The following TLL1 variants were observed in gnomAD, a reference collection of about 807,000 sequenced individuals.
TLL1 encodes the protein tolloid like 1.
TLL1 carries 49 observed loss-of-function variants against 128.2 expected under a neutral mutation model. The ratio of observed to expected loss-of-function variants is 0.38; its 90% confidence interval spans 0.30 to 0.48. The LOEUF is 0.48. Ranked by LOEUF, TLL1 falls within the 20% of genes least tolerant of loss-of-function variation. The pLI is 0.96. For missense variants in TLL1, 1,123 were observed against 1,242.0 expected, an observed-to-expected ratio of 0.90 and a Z score of 1.44; for synonymous variants, 454 against 418.8, an observed-to-expected ratio of 1.08 and a Z score of -1.03.
intron 15 of TLL1, among the ~76,000 whole-genome samples, chr4:166,062,697 G>A (rs878895127): frequency 2.0e-5 from 3 of 152,044 alleles, no homozygotes; most frequent in African/African-American, 2.4e-5. Flanking sequence ...TTTCCTAATT[G>A]AATACCCTTT....
At chr4:166,030,862 A>G in intron 9 of TLL1, 1 of 993,698 alleles carries the variant, frequency 1.0e-6, no homozygotes, top group Middle Eastern at 5.1e-4. Flanking sequence ...TTCTGTTTGA[A>G]AATGTGGATT....
At position 165,989,391 on chromosome 4, in the gene TLL1, G is replaced by T. The variant is rs1736530831; in HGVS notation, c.180G>T (p.Trp60Cys). 6.2e-7 allele frequency: 1 copy of T among 1,611,030 alleles called. No individual in the cohort carries two copies. The highest frequency in any genetic ancestry group is 8.5e-7 in the Non-Finnish European group (1 of 1,178,358). Residue 60 changes from tryptophan to cysteine, a missense_variant, in exon 2 of 21, where the codon TGG (tryptophan) becomes TGT (cysteine). Trp to Cys is a radical substitution (Grantham distance 215). This residue lies in a region of TLL1 where 480 missense variants were observed against 542.4 expected (regional missense o/e 0.89). Coordinates refer to ENST00000061240, the MANE Select transcript of TLL1 (RefSeq NM_012464.5). ...YKDPCKAAVF[W>C]GDIALDDEDL... is the part of the protein sequence containing the mutation. ...CTTTTCTTTTTTTAGCTGTATTTTG[G>T]GGCGATATTGCCTTAGATGATGAAG...
At chr4:165,924,414 G>C (rs147067810) in intron 1 of TLL1, among the ~76,000 whole-genome samples, 1 of 152,306 alleles carries the variant, frequency 6.6e-6, no homozygotes, top group African/African-American at 2.4e-5. Flanking sequence ...GGTCTGGATA[G>C]ATCAGTCAAC....
chr4:165,905,552 G>C (rs1475147295), intron 1 of TLL1, among the ~76,000 whole-genome samples: 1 of 151,976 alleles, frequency 6.6e-6, no homozygotes, highest in Non-Finnish European at 1.5e-5. Context: ...ATTTTCTGTT[G>C]ACTCCTGTTT....
At position 166,103,241 on chromosome 4, in the gene TLL1, A is replaced by G. The variant is rs1004997341; in HGVS notation, c.*2365A>G. 3 of 151,868 alleles carry G rather than the reference A, an allele frequency of 2.0e-5. No homozygotes were observed. The highest frequency in any genetic ancestry group is 1.3e-4 in the Admixed American group (2 of 15,174). The allele number at this position is 151,868 out of a possible 1,614,324, so 9.4% of individuals were successfully genotyped here. A position where few individuals can be genotyped will look rare whatever the true frequency, so the allele number is the denominator to read the frequency against. On this transcript the variant is annotated 3_prime_UTR_variant, in exon 21 of 21. Transcript: ENST00000061240. Reference sequence around the variant, plus strand: ...ATTTTTTATGGTGAAACTTTCCCACATAAAGTAAATTTTAGGGGTGAATTA... The same window carrying G: ...ATTTTTTATGGTGAAACTTTCCCACGTAAAGTAAATTTTAGGGGTGAATTA...
intron 12 of TLL1, among the ~76,000 whole-genome samples, chr4:166,052,946 C>T (rs1739814038): frequency 1.6e-5 from 1 of 64,030 alleles, no homozygotes; most frequent in South Asian, 4.6e-4. Context: ...AAATTAAAGA[C>T]TGAGATAAGA....
chr4:165,885,599 CA>C (rs370552974), intron 1 of TLL1, among the ~76,000 whole-genome samples: 7 of 149,478 alleles, frequency 4.7e-5, no homozygotes, highest in African/African-American at 1.7e-4. Context: ...AACAAACAAA[CA>C]AAAAAAAAAC....
At chr4:165,884,393 G>T (rs1178707144) in intron 1 of TLL1, among the ~76,000 whole-genome samples, 2 of 152,206 alleles carry the variant, frequency 1.3e-5, no homozygotes, top group East Asian at 3.9e-4. Flanking sequence ...TGCTTTGTGG[G>T]GAGCACTGCA....
chr4:166,060,243 CA>C (rs1740241809), intron 15 of TLL1, 55 bp downstream of exon 15: 36 of 1,528,366 alleles, frequency 2.4e-5, no homozygotes, highest in Non-Finnish European at 3.1e-5. Context: ...TCCCTGAAGG[CA>C]AACTGTGAAA....
intron 1 of TLL1, among the ~76,000 whole-genome samples, chr4:165,885,825 A>G (rs922929271): frequency 1.3e-5 from 2 of 152,140 alleles, no homozygotes; most frequent in African/African-American, 4.8e-5. Flanking sequence ...TAGGCAACAA[A>G]ACTACAGGAA....
At chr4:166,070,910 C>T (rs1740784845) in intron 16 of TLL1, among the ~76,000 whole-genome samples, 1 of 151,916 alleles carries the variant, frequency 6.6e-6, no homozygotes, top group Non-Finnish European at 1.5e-5. Context: ...CTACAACTTT[C>T]TTGTATGATT....
At chr4:166,054,841 CAT>C (rs1411308580) in intron 12 of TLL1, among the ~76,000 whole-genome samples, 1 of 151,954 alleles carries the variant, frequency 6.6e-6, no homozygotes, top group African/African-American at 2.4e-5. Context: ...GATCCTGACT[CAT>C]GTGGATGTAC....
intron 1 of TLL1, among the ~76,000 whole-genome samples, chr4:165,964,259 TA>T (rs1735262363): frequency 6.6e-6 from 1 of 152,154 alleles, no homozygotes; most frequent in South Asian, 2.1e-4. Context: ...CAGGGGAAAA[TA>T]ACTGAATGAT....
intron 1 of TLL1, chr4:165,919,924 G>T: frequency 6.7e-6 from 3 of 444,760 alleles, no homozygotes; most frequent in Non-Finnish European, 1.3e-5. Context: ...TCTCATGAGG[G>T]GAGGTCAGAG....
intron 19 of TLL1, 80 bp downstream of exon 19, chr4:166,091,421 A>G (rs1741777445): frequency 2.4e-6 from 3 of 1,239,252 alleles, no homozygotes; most frequent in Admixed American, 2.0e-5. Context: ...CAATAATAGG[A>G]TTGTAAATAA....
chr4:165,930,915 T>A (rs888656553), intron 1 of TLL1, among the ~76,000 whole-genome samples: 3 of 152,220 alleles, frequency 2.0e-5, no homozygotes, highest in Admixed American at 1.3e-4. Context: ...TTGAATAGTA[T>A]GTTATTGGTT....
At chr4:165,895,227 AGT>A (rs1414177557) in intron 1 of TLL1, among the ~76,000 whole-genome samples, 1 of 152,150 alleles carries the variant, frequency 6.6e-6, no homozygotes, top group African/African-American at 2.4e-5. Context: ...GTTTGCAGTC[AGT>A]GTGACTGTCT....
intron 1 of TLL1, among the ~76,000 whole-genome samples, chr4:165,912,649 G>A (rs1338472470): frequency 6.6e-6 from 1 of 151,746 alleles, no homozygotes; most frequent in Non-Finnish European, 1.5e-5. Context: ...GAAGCAGGTT[G>A]CCAAGTCGAT....
At chr4:166,090,318 C>T (rs561537212) in intron 18 of TLL1, among the ~76,000 whole-genome samples, 22 of 152,118 alleles carry the variant, frequency 1.4e-4, no homozygotes, top group Middle Eastern at 3.4e-3. Flanking sequence ...TTATTAATAG[C>T]TTGGACAATA....
Sources: allele counts gnomAD v4.1 joint callset (sites outside exome capture counted in the v4.1 genomes callset), GRCh38; gene constraint gnomAD v4.1.1; regional missense constraint gnomAD v4.1.1; transcripts MANE v1.5; gene names NCBI Gene and HGNC (gene_info 2026-07-23, HGNC 2026-07-21).